The following ROBO1 variants were observed in gnomAD, a reference collection of about 807,000 sequenced individuals.
The protein encoded by ROBO1 is roundabout homolog 1.
Under a neutral mutation model 195.9 loss-of-function variants are expected in ROBO1, and 149 were observed. That is an observed-to-expected ratio of 0.76 (90% CI 0.67 to 0.87). The LOEUF is 0.87. Among genes scored for constraint, ROBO1 ranks in the 40% least tolerant of loss-of-function variants. The pLI, the probability that ROBO1 is intolerant of heterozygous loss-of-function variation, is 0.00. For synonymous variants in ROBO1, 816 were observed against 733.2 expected, an observed-to-expected ratio of 1.11 and a Z score of -1.82; for missense variants, 1,933 against 2,068.3, an observed-to-expected ratio of 0.93 and a Z score of 1.27.
chr3:79,148,172 T>A (rs1439411598), intron 2 of ROBO1, among the ~76,000 whole-genome samples: 1 of 151,872 alleles, frequency 6.6e-6, no homozygotes, highest in African/African-American at 2.4e-5. Flanking sequence ...TAGAAGGCTA[T>A]CTGTCTTTAC....
At chr3:79,090,175 T>A (rs1188231962) in intron 3 of ROBO1, among the ~76,000 whole-genome samples, 2 of 152,068 alleles carry the variant, frequency 1.3e-5, no homozygotes, top group Admixed American at 1.3e-4. Context: ...CCTGACCTCG[T>A]GATCCACCCG....
At position 78,673,859 on chromosome 3, in the gene ROBO1, T is replaced by C. The variant is rs1480576541; in HGVS notation, c.1343-3558A>G. 2.0e-5 allele frequency among the ~76,000 whole-genome samples: 3 copies of C among 151,690 alleles called. No homozygotes were observed. In the East Asian group the frequency reaches 5.8e-4, roughly 29 times the overall value. ...AAGTCACATTATACACCAATAAACA[T>C]CGCAGATAAAGAGCATAATTGTCAT... On this transcript the variant is annotated intron_variant, in intron 10 of 30. Transcript: ENST00000464233.
intron 26 of ROBO1, among the ~76,000 whole-genome samples, chr3:78,618,242 G>T (rs1014370488): frequency 3.3e-5 from 5 of 152,062 alleles, no homozygotes; most frequent in Non-Finnish European, 7.4e-5. Flanking sequence ...GGCTCCACCG[G>T]GTTACTTTCT....
intron 4 of ROBO1, among the ~76,000 whole-genome samples, chr3:78,818,732 C>T (rs1294833832): frequency 6.6e-6 from 1 of 152,168 alleles, no homozygotes. Flanking sequence ...GCAAGTTCCT[C>T]GGCCTTGGCT....
At chr3:79,223,245 G>A (rs918082101) in intron 2 of ROBO1, among the ~76,000 whole-genome samples, 3 of 152,120 alleles carry the variant, frequency 2.0e-5, no homozygotes, top group African/African-American at 7.2e-5. Flanking sequence ...ATCAGAGAAT[G>A]TTTACCTGAA....
At chr3:79,043,020 CCTAT>C (rs1559615545) in intron 3 of ROBO1, among the ~76,000 whole-genome samples, 1 of 152,004 alleles carries the variant, frequency 6.6e-6, no homozygotes, top group Non-Finnish European at 1.5e-5. Flanking sequence ...TTCTTTTACT[CCTAT>C]CTTTTAATGT....
intron 8 of ROBO1, among the ~76,000 whole-genome samples, chr3:78,695,026 C>T (rs1231688290): frequency 4.1e-5 from 6 of 147,612 alleles, no homozygotes; most frequent in Non-Finnish European, 8.9e-5. Context: ...TTTTAATGCA[C>T]CCTTTTCTTG....
chr3:79,589,273 A>G (rs552181296), intron 2 of ROBO1, among the ~76,000 whole-genome samples: 1 of 151,850 alleles, frequency 6.6e-6, no homozygotes, highest in East Asian at 1.9e-4. Flanking sequence ...ATGCTATTCT[A>G]TACCATTAAT....
chr3:79,350,598 G>A (rs1392208661), intron 2 of ROBO1, among the ~76,000 whole-genome samples: 1 of 152,168 alleles, frequency 6.6e-6, no homozygotes, highest in Admixed American at 6.5e-5. Context: ...ATAATGGAAT[G>A]TTACTTGGCT....
At chr3:79,536,065 C>A (rs1371580471) in intron 2 of ROBO1, among the ~76,000 whole-genome samples, 1 of 151,982 alleles carries the variant, frequency 6.6e-6, no homozygotes, top group African/African-American at 2.4e-5. Flanking sequence ...CCTTTTAAAC[C>A]GCTACATAAT....
intron 2 of ROBO1, among the ~76,000 whole-genome samples, chr3:79,561,710 A>G (rs541268815): frequency 6.6e-6 from 1 of 152,282 alleles, no homozygotes; most frequent in South Asian, 2.1e-4. Context: ...GCATCTTCCA[A>G]TTAAAAAATG....
chr3:78,885,688 T>C (rs1377976375), intron 4 of ROBO1, among the ~76,000 whole-genome samples: 1 of 150,970 alleles, frequency 6.6e-6, no homozygotes. Flanking sequence ...TTACCCTCAC[T>C]GTATATTAGT....
intron 3 of ROBO1, among the ~76,000 whole-genome samples, chr3:79,046,990 C>A (rs1031864720): frequency 1.3e-5 from 2 of 152,028 alleles, no homozygotes; most frequent in Admixed American, 1.3e-4. Context: ...GAAGGAGAGG[C>A]CCCCATGACA....
intron 1 of ROBO1, among the ~76,000 whole-genome samples, chr3:79,702,511 T>G (rs1947648644): frequency 1.3e-5 from 2 of 151,980 alleles, no homozygotes. Flanking sequence ...ACAGCATACC[T>G]GCTACTTTTC....
At chr3:79,034,708 T>C (rs1213429198) in intron 3 of ROBO1, among the ~76,000 whole-genome samples, 1 of 152,190 alleles carries the variant, frequency 6.6e-6, no homozygotes, top group Non-Finnish European at 1.5e-5. Flanking sequence ...TGAAAACTTA[T>C]GAGTTGCTTA....
intron 1 of ROBO1, among the ~76,000 whole-genome samples, chr3:79,657,265 A>T (rs1160041877): frequency 6.6e-6 from 1 of 152,114 alleles, no homozygotes; most frequent in African/African-American, 2.4e-5. Flanking sequence ...AAGAAGAAAT[A>T]CACAATGCTG....
intron 4 of ROBO1, among the ~76,000 whole-genome samples, chr3:78,841,940 T>C (rs2033235331): frequency 6.6e-6 from 1 of 151,966 alleles, no homozygotes; most frequent in South Asian, 2.1e-4. Flanking sequence ...TCAATCTTTA[T>C]AGACTGAAAA....
At chr3:79,682,864 A>C (rs542224895) in intron 1 of ROBO1, among the ~76,000 whole-genome samples, 93 of 152,140 alleles carry the variant, frequency 6.1e-4, no homozygotes, top group African/African-American at 2.2e-3. Context: ...AAAGAAAACC[A>C]AGTCATCTAA....
chr3:78,641,103 G>A (rs1705919983), intron 21 of ROBO1, among the ~76,000 whole-genome samples: 1 of 149,552 alleles, frequency 6.7e-6, no homozygotes, highest in Non-Finnish European at 1.5e-5. Flanking sequence ...GTGAGGCATT[G>A]TTCCGTTTGT....
Sources: gnomAD v4.1 joint callset for allele counts (sites outside exome capture counted in the v4.1 genomes callset) on GRCh38, gnomAD v4.1.1 for gene constraint, MANE v1.5 for transcripts, NCBI Gene and HGNC (gene_info 2026-07-23, HGNC 2026-07-21) for gene names.